VWDE: variants seen among roughly 807,000 people sequenced by gnomAD.
VWDE encodes von Willebrand factor D and EGF domain-containing protein.
In VWDE, 207 loss-of-function variants were observed where a neutral mutation model predicts 178.4. The ratio of observed to expected loss-of-function variants is 1.16; its 90% CI spans 1.04 to 1.30. The LOEUF is 1.30. Ranked by LOEUF, VWDE falls within the 50% of genes most tolerant of loss-of-function variation. The pLI, the probability that VWDE is intolerant of heterozygous loss-of-function variation, is 0.00. For synonymous variants in VWDE, 738 were observed against 651.4 expected, an observed-to-expected ratio of 1.13 and a Z score of -2.02; for missense variants, 2,287 against 1,901.3, an observed-to-expected ratio of 1.20 and a Z score of -3.77.
intron 1 of VWDE, among the ~76,000 whole-genome samples, chr7:12,396,900 A>G (rs1289166750): frequency 6.6e-6 from 1 of 152,134 alleles, no homozygotes; most frequent in Non-Finnish European, 1.5e-5. Context: ...ATGCCATTAC[A>G]CTCCAGCCTG....
intron 27 of VWDE, 103 bp downstream of exon 27, chr7:12,336,038 G>T: frequency 2.3e-6 from 2 of 875,896 alleles, no homozygotes; most frequent in Non-Finnish European, 3.2e-6. Context: ...TCAGCATGCT[G>T]GAGTTTTTTC....
At position 12,369,587 on chromosome 7, in the gene VWDE, A is replaced by T; in HGVS notation, c.2719T>A (p.Cys907Ser). ...NGQCMEWGCA[C>S]SPSFSSYDCS... The stretch of plus-strand genomic sequence containing the variant: ...TCATAGGAACTAAAGCTTGGGGAAC[A>T]CGCACACCCCCATTCCATGCACTGC... Residue 907 changes from cysteine to serine, a missense_variant, in exon 12 of 29, where the codon TGT becomes AGT. Coordinates refer to ENST00000275358, the MANE Select transcript of VWDE (RefSeq NM_001135924.3). 6.5e-7 allele frequency: 1 copy of T among 1,547,060 alleles called. No homozygotes were observed. Among genetic ancestry groups the T allele is most frequent in the Non-Finnish European group, 8.7e-7 (1 of 1,143,272 alleles).
intron 2 of VWDE, among the ~76,000 whole-genome samples, 163 bp from the exon 3 acceptor site, chr7:12,389,521 A>C (rs1228483628): frequency 2.0e-5 from 3 of 152,196 alleles, no homozygotes; most frequent in Non-Finnish European, 4.4e-5. Flanking sequence ...GTTTTAAGGA[A>C]TACTAAATTT....
chr7:12,380,753 T>C lies in VWDE; in HGVS notation c.542-20A>G. On this transcript the variant is annotated intron_variant, in intron 4 of 28. Coordinates refer to ENST00000275358, the MANE Select transcript of VWDE (RefSeq NM_001135924.3). ...GCTGACCTGGGGAGAAAATGCATAA[T>C]TTGTAACTGGGAATCTTAGACAATG... is the stretch of plus-strand genomic sequence containing the variant. The C allele has an allele frequency of 1.3e-6, 2 of 1,550,092 alleles. No individual in the cohort carries two copies. The highest frequency in any genetic ancestry group is 4.9e-5 in the East Asian group (2 of 40,898).
At chr7:12,388,318 A>G (rs922610704) in intron 3 of VWDE, among the ~76,000 whole-genome samples, 3 of 152,174 alleles carry the variant, frequency 2.0e-5, no homozygotes, top group Admixed American at 6.5e-5. Flanking sequence ...ATGCGTTATC[A>G]CTAGTAAAGT....
In VWDE at chr7:12,380,575, C is replaced by A. The variant is rs200611733; in HGVS notation, c.700G>T (p.Glu234Ter). 1.2e-4 allele frequency: 187 copies of A among 1,552,052 alleles called. No individual in the cohort carries two copies. The highest frequency in any genetic ancestry group is 1.5e-4 in the Non-Finnish European group (173 of 1,147,096). Residue 234 changes from glutamate (E) to a stop codon, truncating the protein, a stop_gained, in exon 5 of 29, where the codon GAA (glutamate) becomes TAA (stop). Transcript: ENST00000275358. LOFTEE classifies it high-confidence loss of function. ...HIAWSRLSSQ[E>*]VKEELTQETT... ...TCTTGTGTCAGCTCCTCTTTGACTT[C>A]TTGAGAAGAAAGCCTAGACCAAGCT...
At chr7:12,355,173 T>C (rs1183992192) in intron 18 of VWDE, among the ~76,000 whole-genome samples, 2 of 152,076 alleles carry the variant, frequency 1.3e-5, no homozygotes, top group Non-Finnish European at 2.9e-5. Flanking sequence ...TCCCAGTACT[T>C]CGGGAGGCTG....
At chr7:12,339,198 G>A (rs957546525) in intron 24 of VWDE, among the ~76,000 whole-genome samples, 1 of 152,128 alleles carries the variant, frequency 6.6e-6, no homozygotes, top group Non-Finnish European at 1.5e-5. Context: ...ACGTTCAATA[G>A]ATAATTTTTA....
intron 1 of VWDE, among the ~76,000 whole-genome samples, chr7:12,401,608 C>T (rs965522410): frequency 1.3e-5 from 2 of 152,078 alleles, no homozygotes; most frequent in Admixed American, 6.5e-5. Flanking sequence ...TTCACAACCA[C>T]GAGGATAGGT....
chr7:12,401,201 T>G (rs977238752), intron 1 of VWDE, among the ~76,000 whole-genome samples: 1 of 152,150 alleles, frequency 6.6e-6, no homozygotes, highest in Non-Finnish European at 1.5e-5. Flanking sequence ...TACTTTAGAA[T>G]AGCTAATTCT....
chr7:12,399,055 G>A (rs904563327), intron 1 of VWDE, among the ~76,000 whole-genome samples: 7 of 151,894 alleles, frequency 4.6e-5, no homozygotes, highest in African/African-American at 1.7e-4. Flanking sequence ...AATAAAAGTT[G>A]AGATTTTTTT....
intron 24 of VWDE, among the ~76,000 whole-genome samples, chr7:12,338,495 C>T (rs1484948508): frequency 1.3e-5 from 2 of 151,866 alleles, no homozygotes; most frequent in Non-Finnish European, 2.9e-5. Flanking sequence ...GTTTATGATG[C>T]GTAATCTTGC....
At chr7:12,390,534 T>C (rs990553555) in intron 2 of VWDE, among the ~76,000 whole-genome samples, 1 of 151,800 alleles carries the variant, frequency 6.6e-6, no homozygotes, top group African/African-American at 2.4e-5. Flanking sequence ...AATATTGATA[T>C]ATGTGATTGA....
At chr7:12,341,276 G>C (rs937322348) in intron 23 of VWDE, among the ~76,000 whole-genome samples, 2 of 152,120 alleles carry the variant, frequency 1.3e-5, no homozygotes, top group Non-Finnish European at 2.9e-5. Context: ...CTTTCATTGA[G>C]AAAAAGTCAT....
intron 6 of VWDE, among the ~76,000 whole-genome samples, chr7:12,379,031 C>G (rs1215049822): frequency 1.3e-5 from 2 of 152,116 alleles, no homozygotes; most frequent in Non-Finnish European, 2.9e-5. Context: ...CCTATTGCCA[C>G]CAGCAACAAC....
chr7:12,341,988 G>C (rs1781356929), intron 23 of VWDE, 71 bp downstream of exon 23: 1 of 1,221,218 alleles, frequency 8.2e-7, no homozygotes. Flanking sequence ...TTTCTTAGGT[G>C]CACGTCTTCA....
At chr7:12,376,744 T>C (rs1783549013) in intron 7 of VWDE, among the ~76,000 whole-genome samples, 1 of 152,090 alleles carries the variant, frequency 6.6e-6, no homozygotes, top group Non-Finnish European at 1.5e-5. Flanking sequence ...AAAAATACAA[T>C]GTTGCTCGTG....
intron 18 of VWDE, among the ~76,000 whole-genome samples, chr7:12,353,266 C>T (rs1032477484): frequency 6.6e-6 from 1 of 152,198 alleles, no homozygotes; most frequent in African/African-American, 2.4e-5. Flanking sequence ...CTTTCTTGCT[C>T]TGTCTATACA....
At chr7:12,385,966 T>C (rs886593824) in intron 3 of VWDE, among the ~76,000 whole-genome samples, 14 of 152,172 alleles carry the variant, frequency 9.2e-5, no homozygotes, top group African/African-American at 2.9e-4. Context: ...AGGGATGTCA[T>C]AAAATGCAAA....
Sources: allele counts gnomAD v4.1 joint callset (sites outside exome capture counted in the v4.1 genomes callset), GRCh38; gene constraint gnomAD v4.1.1; transcripts MANE v1.5; gene names NCBI Gene and HGNC (gene_info 2026-07-23, HGNC 2026-07-21).